The following C1S variants were observed in gnomAD, a reference collection of about 807,000 sequenced individuals.
C1S encodes the protein complement C1s subcomponent.
C1S carries 31 observed loss-of-function variants against 54.0 expected under a neutral mutation model. That is an observed-to-expected ratio of 0.57 (90% confidence interval 0.43 to 0.78). C1S has a LOEUF of 0.78. Among genes scored for constraint, C1S ranks in the 30% least tolerant of loss-of-function variants. C1S has a pLI of 0.00. For synonymous variants in C1S, 292 were observed against 303.6 expected, an observed-to-expected ratio of 0.96 and a Z score of 0.40; for missense variants, 727 against 851.8, an observed-to-expected ratio of 0.85 and a Z score of 1.82.
At chr12:7,062,734 C>T (rs782504218) in intron 3 of C1S, 52 bp downstream of exon 3, 15 of 1,568,758 alleles carry the variant, frequency 9.6e-6, no homozygotes, top group Middle Eastern at 3.9e-4. Context: ...GCTAAGGTAG[C>T]GGAATAAGGA....
chr12:7,070,616 A>T lies in C1S; in HGVS notation c.2032A>T (p.Thr678Ser). Residue 678 changes from threonine (T) to serine (S), a missense_variant, in exon 12 of 12, where the codon ACT becomes TCT. Thr to Ser is a moderately conservative substitution (Grantham distance 58). Transcript: ENST00000360817. This position sits in a 1 kb window ranked among gnomAD's most constrained non-coding sequence, Gnocchi z 4.9. ...GAACTATGTTGACTGGATAATGAAG[A>T]CTATGCAGGAAAATAGCACCCCCCG... ...VKNYVDWIMKTMQENSTPRED is the reference protein window; with the variant it reads ...VKNYVDWIMKSMQENSTPRED 1 of 1,614,164 alleles carries T rather than the reference A, an allele frequency of 6.2e-7. No individual in the cohort carries two copies.
rs1937745297 is a variant in C1S at position 7,068,664 on chromosome 12, A to G, written c.1270+134A>G. The stretch of plus-strand genomic sequence containing the variant: ...GAGTCCAGCTCAGTGAGGTGGCAGT[A>G]TCACTGTGCCGTGGGCTGCCAGGGC... On this transcript the variant is annotated intron_variant, in intron 11 of 11. Transcript: ENST00000360817. 4.3e-6 allele frequency: 3 copies of G among 705,184 alleles called. No homozygotes were observed. The Admixed American group carries it at 6.3e-5, about 15-fold the overall frequency. 43.7% of individuals were successfully genotyped at this position (705,184 alleles called of 1,614,324 possible).
Position 7,067,633 on chromosome 12 carries a change from C to A in C1S, c.1067-10C>A. On this transcript the variant is annotated splice_polypyrimidine_tract_variant and intron_variant, in intron 9 of 11. Transcript: ENST00000360817. ...GTCCTGACCATCGCTCTCCTTCCTTCGTCTGGTAGCTGTGGACTGTGGCAT... is the reference window on the plus strand; with the variant it reads ...GTCCTGACCATCGCTCTCCTTCCTTAGTCTGGTAGCTGTGGACTGTGGCAT... The A allele has an allele frequency of 1.2e-6, 2 of 1,613,708 alleles. No individual in the cohort carries two copies. The highest frequency in any genetic ancestry group is 1.1e-5 in the South Asian group (1 of 91,044).
In C1S at chr12:7,064,381, A is replaced by C; in HGVS notation, c.506A>C (p.Lys169Thr). The C allele has an allele frequency of 1.9e-6, 3 of 1,614,068 alleles. No homozygotes were observed. Among genetic ancestry groups the C allele is most frequent in the Non-Finnish European group, 2.5e-6 (3 of 1,179,992 alleles). Residue 169 changes from lysine (K) to threonine (T), a missense_variant, in exon 5 of 12, where the codon AAG becomes ACG. Physicochemically the swap from Lys to Thr is moderately conservative, Grantham distance 78. Transcript: ENST00000360817. The part of the protein sequence containing the change: ...PPEYFLHDDM[K>T]NCGVNCSGDV... ...GAATATTTCCTCCATGATGACATGA[A>C]GAATTGCGGAGGTGAGCTTGGTGTT...
At chr12:7,061,988 G>A (rs1297119988) in intron 2 of C1S, 71 bp downstream of exon 2, 1 of 1,484,048 alleles carries the variant, frequency 6.7e-7, no homozygotes, top group Non-Finnish European at 9.4e-7. Flanking sequence ...AGCGCTCAAG[G>A]GCCAGGCATG....
At chr12:7,067,947 G>GGGGA in intron 10 of C1S, 176 bp downstream of exon 10, 1 of 712,942 alleles carries the variant, frequency 1.4e-6, no homozygotes, top group East Asian at 2.8e-5. Flanking sequence ...GGCAAGTTCA[G>GGGGA]GGGAGCATCA....
At position 7,070,748 on chromosome 12, in the gene C1S, G is replaced by T; in HGVS notation, c.*97G>T. On this transcript the variant is annotated 3_prime_UTR_variant, in exon 12 of 12. Coordinates refer to ENST00000360817, the MANE Select transcript of C1S (RefSeq NM_001734.5). The surrounding 1 kb of genome is among the most constrained non-coding windows in gnomAD (Gnocchi z 4.9). ...CATTATTTCATCATGACTGAAAGAAGACACGAGCGAATGATTTAAATAGAA... is the reference window on the plus strand; with the variant it reads ...CATTATTTCATCATGACTGAAAGAATACACGAGCGAATGATTTAAATAGAA... The T allele has an allele frequency of 9.7e-7, 1 of 1,026,286 alleles. No individual in the cohort carries two copies. The highest frequency in any genetic ancestry group is 1.5e-6 in the Non-Finnish European group (1 of 655,564). The allele number at this position is 1,026,286 out of a possible 1,614,324, so 63.6% of individuals were successfully genotyped here.
chr12:7,069,831 C>T (rs1340443299), intron 11 of C1S, 24 bp from the exon 12 acceptor site: 1 of 1,589,046 alleles, frequency 6.3e-7, no homozygotes, highest in African/African-American at 1.3e-5. Flanking sequence ...TCCTCCTTCC[C>T]TGTGTTGTTT....
intron 4 of C1S, 99 bp downstream of exon 4, chr12:7,063,166 A>G: frequency 1.7e-6 from 2 of 1,197,566 alleles, no homozygotes; most frequent in South Asian, 2.6e-5. Flanking sequence ...TCTGTTCGTA[A>G]TTCTTATAAA....
Position 7,062,959 on chromosome 12 carries a change from A to G in C1S, c.283A>G (p.Ile95Val), listed in dbSNP as rs781863014. 8 of 1,613,924 alleles carry G rather than the reference A, an allele frequency of 5.0e-6. No homozygotes were observed. The highest frequency in any genetic ancestry group is 1.3e-5 in the African/African-American group (1 of 74,904). ...QRSSNNPHSP[I>V]VEEFQVPYNK... ...GAGCAGTAACAATCCCCACTCTCCA[A>G]TTGTGGAAGAGTTCCAAGTCCCATA... The change falls in exon 4 of 12, where the codon ATT (isoleucine) becomes GTT (valine). Residue 95 changes from isoleucine to valine, a missense_variant. By Grantham distance (29) the Ile-to-Val change is conservative (BLOSUM62 3). Transcript: ENST00000360817.
chr12:7,068,790 A>G, intron 11 of C1S: 1 of 532,392 alleles, frequency 1.9e-6, no homozygotes. Flanking sequence ...CTGCAGTGAG[A>G]AGATACAGAA....
chr12:7,069,801 A>C, intron 11 of C1S, 54 bp from the exon 12 acceptor site: 1 of 1,433,720 alleles, frequency 7.0e-7, no homozygotes, highest in East Asian at 2.3e-5. Context: ...GAGGATTTGC[A>C]GGAAGCCAGC....
At chr12:7,066,866 G>A (rs1937679964) in intron 8 of C1S, 173 bp from the exon 9 acceptor site, 2 of 713,310 alleles carry the variant, frequency 2.8e-6, no homozygotes, top group East Asian at 2.7e-5. Context: ...ACACGTTGGG[G>A]CAAAGCTTTC....
chr12:7,067,388 C>T (rs1432047264), intron 9 of C1S: 12 of 637,582 alleles, frequency 1.9e-5, no homozygotes, highest in African/African-American at 1.4e-4. Flanking sequence ...TTCCACTGGG[C>T]CTTCACCAAC....
Position 7,061,885 on chromosome 12 carries a change from G to A in C1S, c.-28G>A, listed in dbSNP as rs781980160. The A allele has an allele frequency of 3.7e-6, 6 of 1,613,752 alleles. No individual in the cohort carries two copies. In the Admixed American group the frequency reaches 1.0e-4, roughly 27 times the overall value. The stretch of plus-strand genomic sequence containing the variant: ...GAAAGCCAGGACCAAGAGACAGGCA[G>A]CTCACCAGGGTGGACAAATCGCCAG... On this transcript the variant is annotated 5_prime_UTR_variant, in exon 2 of 12. Coordinates refer to ENST00000360817, the MANE Select transcript of C1S (RefSeq NM_001734.5).
At chr12:7,068,600 T>G in intron 11 of C1S, 70 bp downstream of exon 11, 1 of 1,042,000 alleles carries the variant, frequency 9.6e-7, no homozygotes, top group Non-Finnish European at 1.5e-6. Flanking sequence ...TGAAAGCAAC[T>G]GTAATCCTCT....
Position 7,067,698 on chromosome 12 carries a change from GA to G in C1S, c.1123del (p.Ser375AlafsTer36). 1 of 1,614,000 alleles carries G rather than the reference GA, an allele frequency of 6.2e-7. No individual in the cohort carries two copies. The highest frequency in any genetic ancestry group is 8.5e-7 in the Non-Finnish European group (1 of 1,179,840). The stretch of plus-strand genomic sequence containing the variant: ...AGAATGGTAAAGTTGAAGACCCAGA[GA>G]GCACTTTGTTTGGTTCTGTCATCCG... ...IENGKVEDPE[S>X]TLFGSVIRYT... On this transcript the variant is annotated frameshift_variant, in exon 10 of 12. Transcript: ENST00000360817. LOFTEE classifies it high-confidence loss of function.
At chr12:7,065,737 T>G in intron 6 of C1S, 80 bp from the exon 7 acceptor site, 1 of 1,196,058 alleles carries the variant, frequency 8.4e-7, no homozygotes, top group Non-Finnish European at 1.2e-6. Context: ...TTAATGCCTC[T>G]TTTATTTGTA....
At chr12:7,061,793 T>C in intron 1 of C1S, 46 bp from the exon 2 acceptor site, 2 of 1,080,920 alleles carry the variant, frequency 1.9e-6, no homozygotes, top group Non-Finnish European at 2.9e-6. Flanking sequence ...CCAAAGAAGG[T>C]GCTTGTGTTT....
Sources: gnomAD v4.1 joint callset for allele counts on GRCh38, gnomAD v4.1.1 for gene constraint, Gnocchi (gnomAD v3.1) non-coding constraint, MANE v1.5 for transcripts, NCBI Gene and HGNC (gene_info 2026-07-23, HGNC 2026-07-21) for gene names.